Variants in LMLN observed in about 807,000 individuals in gnomAD.
LMLN encodes leishmanolysin like peptidase.
In LMLN, 70 loss-of-function variants were observed where a neutral mutation model predicts 92.3. The ratio of observed to expected loss-of-function variants is 0.76; its 90% CI spans 0.63 to 0.92. The LOEUF is 0.92. Among genes scored for constraint, LMLN ranks in the 40% least tolerant of loss-of-function variants. The pLI, the probability that LMLN is intolerant of heterozygous loss-of-function variation, is 0.00. For synonymous variants in LMLN, 308 were observed against 296.2 expected (o/e 1.04, Z -0.41); for missense variants, 691 against 814.6 (o/e 0.85, Z 1.85).
chr3:197,968,206 C>A (rs975489209), intron 1 of LMLN, among the ~76,000 whole-genome samples: 2 of 152,094 alleles, frequency 1.3e-5, no homozygotes, highest in African/African-American at 4.8e-5. Flanking sequence ...GTGGCTTATG[C>A]CTGTAATCCC....
intron 8 of LMLN, 31 bp downstream of exon 8, chr3:197,985,921 TC>T (rs1189309376): frequency 1.5e-6 from 2 of 1,331,232 alleles, no homozygotes; most frequent in Admixed American, 3.4e-5. Context: ...CTTGTTCTCC[TC>T]TTTTAGGAGG....
intron 1 of LMLN, among the ~76,000 whole-genome samples, chr3:197,961,940 G>A (rs1399017507): frequency 1.3e-5 from 2 of 152,024 alleles, no homozygotes; most frequent in Admixed American, 6.6e-5. Context: ...TTAAGGTTCC[G>A]CCATTCTTGT....
intron 11 of LMLN, among the ~76,000 whole-genome samples, chr3:198,008,618 T>G (rs932037186): frequency 6.6e-6 from 1 of 152,166 alleles, no homozygotes; most frequent in African/African-American, 2.4e-5. Flanking sequence ...TCCCAGCTAC[T>G]CAGAAGGCTG....
intron 14 of LMLN, 37 bp downstream of exon 15, chr3:198,024,825 A>T: frequency 6.5e-7 from 1 of 1,534,776 alleles, no homozygotes; most frequent in South Asian, 1.3e-5. Context: ...GCCAAATATT[A>T]TGTGATTTTA....
intron 8 of LMLN, among the ~76,000 whole-genome samples, chr3:197,986,941 G>A (rs1482466263): frequency 2.0e-5 from 3 of 149,048 alleles, no homozygotes; most frequent in African/African-American, 5.0e-5. Flanking sequence ...CAGGGTTCAC[G>A]CCATTCTCCT....
exon 16 of LMLN, chr3:198,043,373 C>G (rs973413569): frequency 6.5e-6 from 1 of 152,708 alleles, no homozygotes; most frequent in African/African-American, 2.4e-5. Flanking sequence ...AGGAGCCTGT[C>G]TCTCAGGGCA....
At chr3:197,969,043 T>A (rs1469419348) in intron 1 of LMLN, among the ~76,000 whole-genome samples, 17 of 152,080 alleles carry the variant, frequency 1.1e-4, no homozygotes, top group Admixed American at 1.1e-3. Flanking sequence ...TGTAGTGATA[T>A]CTTCTGTGTA....
chr3:198,034,129 C>T lies in LMLN; in HGVS notation c.1657-1704C>T, dbSNP rs76853071. Among the ~76,000 whole-genome samples, 1,492 of 152,260 alleles carry T rather than the reference C, an allele frequency of 9.8e-3. 22 individuals are homozygous for T. Among genetic ancestry groups the T allele is most frequent in the African/African-American group, 0.034 (1,416 of 41,528 alleles). Reference sequence around the variant, plus strand: ...TTTGCTGGACTTGCTTCTGGGCAACCTTGGGCTATTTCCAAAAATTATATC... The same window carrying T: ...TTTGCTGGACTTGCTTCTGGGCAACTTTGGGCTATTTCCAAAAATTATATC... On this transcript the variant is annotated intron_variant, in intron 14 of 15. Transcript: ENST00000330198.
rs73213891 is a variant in LMLN at position 198,009,840 on chromosome 3, A to G, written c.1233-9413A>G. ...TTTAATTTGTAATTTTTGTTGGTAC[A>G]TACTAGGTGTATATATTAATGGGGT... is the stretch of plus-strand genomic sequence containing the variant. On this transcript the variant is annotated intron_variant, in intron 11 of 15. Coordinates refer to ENST00000330198, the Ensembl canonical transcript of LMLN. Among the ~76,000 whole-genome samples, 159 of 152,288 alleles carry G rather than the reference A, an allele frequency of 1.0e-3. 1 individual carries two copies. Among genetic ancestry groups the G allele is most frequent in the Non-Finnish European group, 1.6e-3 (109 of 68,020 alleles).
At chr3:197,962,086 A>G (rs1720918440) in intron 1 of LMLN, among the ~76,000 whole-genome samples, 1 of 152,140 alleles carries the variant, frequency 6.6e-6, no homozygotes, top group Admixed American at 6.6e-5. Flanking sequence ...ACCCATCACA[A>G]CATAGAACGT....
In LMLN at chr3:197,984,803, G is replaced by A. The variant is rs567534985; in HGVS notation, c.834+755G>A. Among the ~76,000 whole-genome samples the A allele has an allele frequency of 1.3e-4, 20 of 151,844 alleles. No homozygotes were observed. In the East Asian group the frequency reaches 3.7e-3, roughly 28 times the overall value. ...TGATCCTCCCACCTCAACCTCCAGAGTAGCTGGGACCACAGGCACGCACCA... is the reference window on the plus strand; with the variant it reads ...TGATCCTCCCACCTCAACCTCCAGAATAGCTGGGACCACAGGCACGCACCA... On this transcript the variant is annotated intron_variant, in intron 7 of 15. Coordinates refer to ENST00000330198, the Ensembl canonical transcript of LMLN.
chr3:198,012,158 G>T (rs1353272144), intron 11 of LMLN, among the ~76,000 whole-genome samples: 1 of 152,114 alleles, frequency 6.6e-6, no homozygotes, highest in South Asian at 2.1e-4. Context: ...CTCTGGTGCC[G>T]AGTTCAAGCT....
intron 12 of LMLN, among the ~76,000 whole-genome samples, chr3:198,020,006 G>A (rs1230872254): frequency 1.3e-5 from 2 of 152,130 alleles, no homozygotes; most frequent in African/African-American, 4.8e-5. Flanking sequence ...GTTTACAGCT[G>A]CAAGCCACCA....
chr3:198,013,753 C>G (rs1254617478), intron 11 of LMLN, among the ~76,000 whole-genome samples: 1 of 136,426 alleles, frequency 7.3e-6, no homozygotes, highest in Admixed American at 7.0e-5. Flanking sequence ...AGTCTGACTT[C>G]TCTCCACCCT....
chr3:197,973,978 T>C (rs1721299382), intron 1 of LMLN, among the ~76,000 whole-genome samples: 1 of 152,216 alleles, frequency 6.6e-6, no homozygotes, highest in Non-Finnish European at 1.5e-5. Context: ...AAATTCAAAA[T>C]GGAAACCTCT....
At chr3:198,007,820 G>A (rs1180456405) in intron 11 of LMLN, among the ~76,000 whole-genome samples, 1 of 152,178 alleles carries the variant, frequency 6.6e-6, no homozygotes, top group Non-Finnish European at 1.5e-5. Context: ...ATAAACATGG[G>A]AGAAAACATT....
At chr3:197,970,033 T>C (rs1381293928) in intron 1 of LMLN, among the ~76,000 whole-genome samples, 1 of 151,988 alleles carries the variant, frequency 6.6e-6, no homozygotes, top group African/African-American at 2.4e-5. Flanking sequence ...GTGTCTGTAA[T>C]CCCTGCTACT....
intron 11 of LMLN, among the ~76,000 whole-genome samples, chr3:198,017,728 C>T (rs1039752227): frequency 6.6e-6 from 1 of 152,046 alleles, no homozygotes; most frequent in Non-Finnish European, 1.5e-5. Flanking sequence ...ACCATCCTGG[C>T]CAAGATGATG....
intron 6 of LMLN, among the ~76,000 whole-genome samples, chr3:197,981,299 G>A (rs1382661289): frequency 6.6e-6 from 1 of 152,018 alleles, no homozygotes; most frequent in Admixed American, 6.6e-5. Flanking sequence ...TTAAGCCTGG[G>A]AGGTGGAGCT....
Sources: gnomAD v4.1 joint callset for allele counts (sites outside exome capture counted in the v4.1 genomes callset) on GRCh38, gnomAD v4.1.1 for gene constraint, MANE v1.5 for transcripts, NCBI Gene and HGNC (gene_info 2026-07-23, HGNC 2026-07-21) for gene names.